The following KRABD3 variants were observed in gnomAD, a reference collection of about 807,000 sequenced individuals.
KRABD3 encodes KRAB domain containing 3, also known as KRAB domain-containing protein 3.
At chr7:149,730,387 G>A in the KRABD3 span, 14 of 1,559,510 alleles carry the variant, frequency 9.0e-6, no homozygotes, top group African/African-American at 1.4e-5. Flanking sequence ...GTGCCAGGGC[G>A]CCAGTCACCA....
the KRABD3 span, among the ~76,000 whole-genome samples, chr7:149,724,142 G>T: frequency 6.6e-6 from 1 of 152,194 alleles, no homozygotes; most frequent in African/African-American, 2.4e-5. Context: ...AGTGGGGAGG[G>T]AGCGAGATCA....
At chr7:149,721,712 T>C in the KRABD3 span, 1 of 783,284 alleles carries the variant, frequency 1.3e-6, no homozygotes, top group Non-Finnish European at 2.2e-6. Flanking sequence ...TAGCCTCTGG[T>C]GTAACCACCA....
chr7:149,724,011 G>C, the KRABD3 span: 1 of 1,052,110 alleles, frequency 9.5e-7, no homozygotes, highest in Admixed American at 2.5e-5. Flanking sequence ...GTCGGGAAGA[G>C]GATCCGGATG....
At chr7:149,733,714 G>A in the KRABD3 span, 37 of 1,581,724 alleles carry the variant, frequency 2.3e-5, no homozygotes, top group Admixed American at 5.4e-5. Context: ...ACGCTCCCCC[G>A]GCAGAACCTC....
the KRABD3 span, chr7:149,731,715 G>A: frequency 4.3e-6 from 7 of 1,612,474 alleles, no homozygotes; most frequent in Non-Finnish European, 5.1e-6. Context: ...TGGAGAAAAG[G>A]CCCAGGGTTA....
At chr7:149,720,986 C>G in the KRABD3 span, 1 of 1,613,410 alleles carries the variant, frequency 6.2e-7, no homozygotes, top group Non-Finnish European at 8.5e-7. Flanking sequence ...GAGCGAGCCC[C>G]GAGGGTAAGT....
the KRABD3 span, chr7:149,719,575 G>A: frequency 2.5e-6 from 4 of 1,604,056 alleles, no homozygotes; most frequent in Admixed American, 5.2e-5. This position sits in a 1 kb window ranked among gnomAD's most constrained non-coding sequence, Gnocchi z 5.6. Context: ...ACTTGGCCGT[G>A]CGGTTCTCGG....
At chr7:149,720,497 A>C in the KRABD3 span, among the ~76,000 whole-genome samples, 2 of 152,254 alleles carry the variant, frequency 1.3e-5, no homozygotes, top group East Asian at 3.8e-4. Context: ...AAGGCCAGGC[A>C]TTTAGGGGGT....
At chr7:149,724,273 T>A in the KRABD3 span, among the ~76,000 whole-genome samples, 1 of 152,128 alleles carries the variant, frequency 6.6e-6, no homozygotes, top group Non-Finnish European at 1.5e-5. Context: ...CAAATCCTAA[T>A]TATACCCACC....
chr7:149,731,673 T>C, the KRABD3 span: 1 of 1,607,686 alleles, frequency 6.2e-7, no homozygotes, highest in Non-Finnish European at 8.5e-7. Context: ...TTTCTATAGG[T>C]ACAGCTCAGG....
chr7:149,734,232 G>A, the KRABD3 span: 2 of 739,048 alleles, frequency 2.7e-6, no homozygotes, highest in Admixed American at 3.1e-5. Context: ...GGAGGCTGCT[G>A]TGGGGGTGCC....
At chr7:149,729,371 G>A in the KRABD3 span, 1 of 1,474,492 alleles carries the variant, frequency 6.8e-7, no homozygotes, top group Non-Finnish European at 9.0e-7. Context: ...CTCCCAGAGG[G>A]TGAGCTGGCA....
the KRABD3 span, chr7:149,730,021 C>A: frequency 7.3e-7 from 1 of 1,364,274 alleles, no homozygotes; most frequent in Non-Finnish European, 9.4e-7. Flanking sequence ...CATTTAGGGT[C>A]CACTAGAACG....
At chr7:149,719,700 G>C in the KRABD3 span, 1 of 1,587,302 alleles carries the variant, frequency 6.3e-7, no homozygotes. The surrounding 1 kb of genome is among the most constrained non-coding windows in gnomAD (Gnocchi z 5.6). Flanking sequence ...CAGCACGTGT[G>C]GCAGGAGCCT....
chr7:149,715,715 G>T, the KRABD3 span, among the ~76,000 whole-genome samples: 1 of 152,196 alleles, frequency 6.6e-6, no homozygotes, highest in Non-Finnish European at 1.5e-5. Flanking sequence ...CCATGGATGG[G>T]GGGCAGCGTG....
the KRABD3 span, chr7:149,734,171 A>C: frequency 7.5e-7 from 1 of 1,341,966 alleles, no homozygotes; most frequent in Non-Finnish European, 1.0e-6. Flanking sequence ...TGTTGCTGGG[A>C]GCCTCGCCCT....
At chr7:149,729,380 C>T in the KRABD3 span, 2 of 1,451,346 alleles carry the variant, frequency 1.4e-6, no homozygotes, top group East Asian at 2.7e-5. Context: ...GGTGAGCTGG[C>T]ACCTGCCCTC....
chr7:149,714,975 C>A, the KRABD3 span: 10 of 1,162,574 alleles, frequency 8.6e-6, no homozygotes, highest in East Asian at 3.4e-5. Context: ...GGACCTGGGC[C>A]GCCGCCGACG....
chr7:149,726,414 T>C, the KRABD3 span, among the ~76,000 whole-genome samples: 2 of 151,468 alleles, frequency 1.3e-5, no homozygotes, highest in Non-Finnish European at 2.9e-5. Flanking sequence ...CTGGGCAACA[T>C]AGTAAGACTC....
Sources: gnomAD v4.1 joint callset for allele counts (sites outside exome capture counted in the v4.1 genomes callset) on GRCh38, gnomAD v4.1.1 for gene constraint, Gnocchi (gnomAD v3.1) non-coding constraint, MANE v1.5 for transcripts, NCBI Gene and HGNC (gene_info 2026-07-23, HGNC 2026-07-21) for gene names.